The following PTPRG variants were observed in gnomAD, a reference collection of about 807,000 sequenced individuals.
PTPRG encodes the protein protein tyrosine phosphatase receptor type G, also known as receptor-type tyrosine-protein phosphatase gamma.
PTPRG carries 102 observed loss-of-function variants against 165.3 expected under a neutral mutation model. That is an observed-to-expected ratio of 0.62 (90% confidence interval 0.53 to 0.73). The LOEUF (loss-of-function observed/expected upper bound fraction) is 0.73. Ranked by LOEUF, PTPRG falls within the 30% of genes least tolerant of loss-of-function variation. The pLI, the probability that PTPRG is intolerant of heterozygous loss-of-function variation, is 0.00. For synonymous variants in PTPRG, 675 were observed against 669.5 expected, an observed-to-expected ratio of 1.01 and a Z score of -0.13; for missense variants, 1,866 against 1,861.4, an observed-to-expected ratio of 1.00 and a Z score of -0.05.
At chr3:62,270,667 A>G (rs1352910199) in intron 20 of PTPRG, among the ~76,000 whole-genome samples, 1 of 152,192 alleles carries the variant, frequency 6.6e-6, no homozygotes, top group Non-Finnish European at 1.5e-5. Context: ...ATAGCACAGG[A>G]CCAGACACAC....
Position 62,024,845 on chromosome 3 carries a change from G to A in PTPRG, c.519+21348G>A, listed in dbSNP as rs192798667. On this transcript the variant is annotated intron_variant, in intron 4 of 29. Coordinates refer to ENST00000474889, the MANE Select transcript of PTPRG (RefSeq NM_002841.4). Reference sequence around the variant, plus strand: ...GCTTGGGTTTAGGGACATAAATAGGGCTGTGTTTTGTGAATTTCGACATGC... The same window carrying A: ...GCTTGGGTTTAGGGACATAAATAGGACTGTGTTTTGTGAATTTCGACATGC... Among the ~76,000 whole-genome samples the A allele has an allele frequency of 1.2e-3, 186 of 152,236 alleles. 1 individual carries two copies. Among genetic ancestry groups the A allele is most frequent in the African/African-American group, 4.2e-3 (176 of 41,550 alleles).
chr3:62,077,795 A>G (rs770431551), intron 4 of PTPRG, among the ~76,000 whole-genome samples: 5 of 152,072 alleles, frequency 3.3e-5, no homozygotes, highest in African/African-American at 4.8e-5. Context: ...CTTTAGGTCA[A>G]GAGTTCAAGA....
At chr3:61,624,538 A>G (rs1354904974) in intron 1 of PTPRG, among the ~76,000 whole-genome samples, 2 of 152,234 alleles carry the variant, frequency 1.3e-5, no homozygotes, top group Non-Finnish European at 2.9e-5. Context: ...GCCCAAGGGC[A>G]TCGCAAAGAC....
intron 2 of PTPRG, among the ~76,000 whole-genome samples, chr3:61,962,874 T>G (rs1433053615): frequency 6.6e-6 from 1 of 152,172 alleles, no homozygotes; most frequent in African/African-American, 2.4e-5. Context: ...TATGTTTATT[T>G]TTTTGTTTGT....
intron 2 of PTPRG, among the ~76,000 whole-genome samples, chr3:61,899,459 G>T (rs927278637): frequency 3.3e-5 from 5 of 152,190 alleles, no homozygotes; most frequent in African/African-American, 1.2e-4. Flanking sequence ...GTGAAAACTT[G>T]TGCCTTGAAA....
At chr3:62,141,789 A>G (rs1703940896) in intron 6 of PTPRG, among the ~76,000 whole-genome samples, 1 of 151,338 alleles carries the variant, frequency 6.6e-6, no homozygotes, top group South Asian at 2.1e-4. Flanking sequence ...CGTGCCTATA[A>G]TCCCAGCTAC....
chr3:61,587,874 G>T (rs1284464112), intron 1 of PTPRG, among the ~76,000 whole-genome samples: 4 of 151,326 alleles, frequency 2.6e-5, no homozygotes, highest in Non-Finnish European at 5.9e-5. Context: ...GCCCAGGCTG[G>T]TCTCAGACTC....
At chr3:62,070,390 T>C (rs1372018814) in intron 4 of PTPRG, among the ~76,000 whole-genome samples, 1 of 152,232 alleles carries the variant, frequency 6.6e-6, no homozygotes, top group Non-Finnish European at 1.5e-5. Context: ...AGAGATGGCA[T>C]GGATTTTGTT....
chr3:62,112,316 C>T (rs1702698696), intron 5 of PTPRG, among the ~76,000 whole-genome samples: 1 of 152,088 alleles, frequency 6.6e-6, no homozygotes, highest in African/African-American at 2.4e-5. Flanking sequence ...GTTGGCCAGG[C>T]TGGTCTCAAA....
chr3:61,874,513 T>TA lies in PTPRG; in HGVS notation c.191-115112_191-115111insA, dbSNP rs1407248201. ...ATACCCACCATTCCTTTTTCTTTCT[T>TA]CCTTTTTTTTTTCTACACATAAACA... On this transcript the variant is annotated intron_variant, in intron 2 of 29. Coordinates refer to ENST00000474889, the MANE Select transcript of PTPRG (RefSeq NM_002841.4). 2.7e-5 allele frequency among the ~76,000 whole-genome samples: 4 copies of TA among 147,702 alleles called. No individual in the cohort carries two copies. The East Asian group carries it at 1.0e-3, about 39-fold the overall frequency.
At chr3:61,913,305 C>T (rs867846880) in intron 2 of PTPRG, among the ~76,000 whole-genome samples, 6 of 152,116 alleles carry the variant, frequency 3.9e-5, no homozygotes, top group South Asian at 2.1e-4. Context: ...CTGCAAGCTC[C>T]GCCTCCTGGG....
At chr3:61,660,469 A>C (rs772218436) in intron 1 of PTPRG, among the ~76,000 whole-genome samples, 40 of 152,266 alleles carry the variant, frequency 2.6e-4, no homozygotes, top group Non-Finnish European at 2.4e-4. Flanking sequence ...AGTGGTCCAG[A>C]GTTTGGATAC....
intron 25 of PTPRG, 112 bp from the exon 26 acceptor site, chr3:62,277,439 T>A: frequency 8.2e-7 from 1 of 1,219,002 alleles, no homozygotes; most frequent in Non-Finnish European, 1.1e-6. Flanking sequence ...CTTTCTCAAT[T>A]ATTTTAGTGT....
chr3:62,265,471 C>T (rs1029848950), intron 17 of PTPRG, among the ~76,000 whole-genome samples: 1 of 152,130 alleles, frequency 6.6e-6, no homozygotes, highest in Non-Finnish European at 1.5e-5. Flanking sequence ...ATCCTACAAC[C>T]TTGCTGAATC....
chr3:61,624,512 G>A (rs1701552723), intron 1 of PTPRG, among the ~76,000 whole-genome samples: 1 of 152,162 alleles, frequency 6.6e-6, no homozygotes, highest in Non-Finnish European at 1.5e-5. Context: ...CATCCATTTT[G>A]GGACCATGAG....
intron 1 of PTPRG, among the ~76,000 whole-genome samples, chr3:61,746,771 A>G (rs2033222618): frequency 1.3e-5 from 2 of 152,116 alleles, no homozygotes; most frequent in Non-Finnish European, 2.9e-5. Flanking sequence ...TAGCTGTCCA[A>G]TGCGTGATAC....
At chr3:61,952,567 T>C (rs1417379355) in intron 2 of PTPRG, among the ~76,000 whole-genome samples, 1 of 152,182 alleles carries the variant, frequency 6.6e-6, no homozygotes, top group Non-Finnish European at 1.5e-5. Context: ...AATCTCCCTT[T>C]TGAGATTAAA....
chr3:61,842,565 C>T (rs997142417), intron 2 of PTPRG, among the ~76,000 whole-genome samples: 5 of 151,626 alleles, frequency 3.3e-5, no homozygotes, highest in African/African-American at 9.7e-5. Context: ...ATGTGCAGTA[C>T]ACATTTAAAT....
intron 3 of PTPRG, among the ~76,000 whole-genome samples, chr3:61,997,498 CTTTCTTGATGTTCTCCCATCTT>C (rs2041069140): frequency 6.6e-6 from 1 of 152,158 alleles, no homozygotes; most frequent in Admixed American, 6.5e-5. Flanking sequence ...GCCATTGATT[CTTTCTTGATGTTCTCCCATCTT>C]GTTGGCACTT....
Sources: allele counts gnomAD v4.1 joint callset (sites outside exome capture counted in the v4.1 genomes callset), GRCh38; gene constraint gnomAD v4.1.1; transcripts MANE v1.5; gene names NCBI Gene and HGNC (gene_info 2026-07-23, HGNC 2026-07-21).